The following FRMD5 variants were observed in gnomAD, a reference collection of about 807,000 sequenced individuals.
The protein encoded by FRMD5 is FERM domain-containing protein 5.
In FRMD5, 20 loss-of-function variants were observed where a neutral mutation model predicts 69.0. That is an observed-to-expected ratio of 0.29 (90% CI 0.20 to 0.42). The LOEUF (loss-of-function observed/expected upper bound fraction) is 0.42, where lower values mean the gene tolerates loss of function less well. FRMD5 is among the 10% of genes least tolerant of loss of function. The pLI is 1.00. For synonymous variants in FRMD5, 271 were observed against 260.1 expected (o/e 1.04, Z -0.40); for missense variants, 595 against 708.6 (o/e 0.84, Z 1.82).
intron 1 of FRMD5, among the ~76,000 whole-genome samples, chr15:44,054,398 G>T (rs974225006): frequency 4.6e-5 from 7 of 152,052 alleles, no homozygotes; most frequent in Non-Finnish European, 8.8e-5. Flanking sequence ...TCCCAAACCC[G>T]CCAGATTTTA....
intron 1 of FRMD5, among the ~76,000 whole-genome samples, chr15:43,934,910 ATT>A (rs2089734446): frequency 6.6e-6 from 1 of 152,198 alleles, no homozygotes; most frequent in Non-Finnish European, 1.5e-5. Context: ...ATAAAGATTT[ATT>A]TGTATGATCT....
At chr15:43,895,150 C>A (rs1238019414) in intron 7 of FRMD5, among the ~76,000 whole-genome samples, 1 of 152,094 alleles carries the variant, frequency 6.6e-6, no homozygotes, top group Non-Finnish European at 1.5e-5. Flanking sequence ...TAATACAAAT[C>A]CTTTTGTAAA....
At chr15:43,890,340 C>T (rs1408959787) in intron 8 of FRMD5, among the ~76,000 whole-genome samples, 3 of 151,984 alleles carry the variant, frequency 2.0e-5, no homozygotes, top group African/African-American at 7.3e-5. Flanking sequence ...TGAGAGAAGC[C>T]GTGGAAAGAA....
At chr15:44,126,211 G>C (rs1056086531) in intron 1 of FRMD5, among the ~76,000 whole-genome samples, 3 of 152,122 alleles carry the variant, frequency 2.0e-5, no homozygotes, top group Non-Finnish European at 2.9e-5. Flanking sequence ...AATCCAGCTT[G>C]GTGAGTAAAA....
intron 1 of FRMD5, chr15:44,063,837 G>T: frequency 3.6e-6 from 1 of 278,328 alleles, no homozygotes; most frequent in South Asian, 3.7e-5. Flanking sequence ...AGAAGGCTGG[G>T]ACTCATTTAG....
At chr15:43,894,799 G>A (rs915482112) in intron 7 of FRMD5, among the ~76,000 whole-genome samples, 6 of 152,126 alleles carry the variant, frequency 3.9e-5, no homozygotes, top group East Asian at 1.9e-4. Context: ...CAAACCGCTC[G>A]GGTCCAGGTC....
At chr15:44,008,592 C>T (rs960115633) in intron 1 of FRMD5, among the ~76,000 whole-genome samples, 4 of 151,906 alleles carry the variant, frequency 2.6e-5, no homozygotes, top group Admixed American at 1.3e-4. Context: ...TGTGGTGCAC[C>T]AAAGATTTTT....
At chr15:44,141,066 G>A (rs972565155) in intron 1 of FRMD5, among the ~76,000 whole-genome samples, 2 of 151,468 alleles carry the variant, frequency 1.3e-5, no homozygotes, top group Admixed American at 6.6e-5. Context: ...AACACTACAG[G>A]GTAACTGTGG....
chr15:43,995,389 T>A (rs929299868), intron 1 of FRMD5, among the ~76,000 whole-genome samples: 1 of 152,194 alleles, frequency 6.6e-6, no homozygotes. Context: ...GAAGCCTGAT[T>A]TCAAAGAGGA....
At chr15:43,972,105 A>G (rs1396511239) in intron 1 of FRMD5, among the ~76,000 whole-genome samples, 1 of 149,118 alleles carries the variant, frequency 6.7e-6, no homozygotes, top group Non-Finnish European at 1.5e-5. Flanking sequence ...TTTTCAGTAG[A>G]AAATATTTTA....
At chr15:43,960,840 G>A (rs2140539205) in intron 1 of FRMD5, among the ~76,000 whole-genome samples, 1 of 152,224 alleles carries the variant, frequency 6.6e-6, no homozygotes, top group South Asian at 2.1e-4. Flanking sequence ...CCCATTTTAT[G>A]GCTTAAAGCT....
Position 44,194,986 on chromosome 15 carries a change from C to G in FRMD5, c.69G>C (p.Leu23=). Residue 23 remains leucine (L), a synonymous_variant, in exon 1 of 14, where the codon CTG becomes CTC. Coordinates refer to ENST00000417257, the MANE Select transcript of FRMD5 (RefSeq NM_032892.5). The part of the protein sequence containing the change: ...LEREYSCTVR[L]LDDSEYTCTI... Reference sequence around the variant, plus strand: ...TGCAGGTGTACTCGCTGTCGTCCAGCAGCCGCACGGTGCAGCTGTACTCGC... The same window carrying G: ...TGCAGGTGTACTCGCTGTCGTCCAGGAGCCGCACGGTGCAGCTGTACTCGC... 1 of 1,554,124 alleles carries G rather than the reference C, an allele frequency of 6.4e-7. No homozygotes were observed. Among genetic ancestry groups the G allele is most frequent in the Admixed American group, 1.8e-5 (1 of 54,916 alleles).
chr15:43,988,607 G>C (rs1247857621), intron 1 of FRMD5, among the ~76,000 whole-genome samples: 1 of 151,834 alleles, frequency 6.6e-6, no homozygotes, highest in Non-Finnish European at 1.5e-5. Context: ...CAAAAAAGTG[G>C]GGCCATGAAA....
intron 1 of FRMD5, among the ~76,000 whole-genome samples, chr15:44,075,747 C>T (rs1199823810): frequency 6.6e-6 from 1 of 152,072 alleles, no homozygotes; most frequent in Non-Finnish European, 1.5e-5. Flanking sequence ...AAAAACTATC[C>T]AAATTCAATT....
Position 43,892,043 on chromosome 15 carries a change from C to T in FRMD5, c.666G>A (p.Leu222=), listed in dbSNP as rs1164703476. The part of the protein sequence containing the change: ...CKDVSGNAAF[L]AFTPFGFVVL... ...CAACAAACCCAAAAGGAGTGAAGGC[C>T]AGAAATGCAGCATTTCCTGACACGT... The change falls in exon 8 of 14, where the codon CTG becomes CTA. Residue 222 remains leucine, a synonymous_variant. Transcript: ENST00000417257. 2 of 1,614,124 alleles carry T rather than the reference C, an allele frequency of 1.2e-6. No homozygotes were observed. The highest frequency in any genetic ancestry group is 1.7e-6 in the Non-Finnish European group (2 of 1,180,002).
At chr15:43,929,330 T>C (rs2089636630) in intron 1 of FRMD5, among the ~76,000 whole-genome samples, 1 of 152,174 alleles carries the variant, frequency 6.6e-6, no homozygotes, top group African/African-American at 2.4e-5. Flanking sequence ...TTTTAACCCA[T>C]CATGGATGAG....
chr15:43,891,924 C>G (rs888864085), intron 8 of FRMD5, 57 bp downstream of exon 8: 2 of 1,415,874 alleles, frequency 1.4e-6, no homozygotes, highest in Non-Finnish European at 2.0e-6. Context: ...CGGGAACCGT[C>G]GCCCCTCCCC....
At chr15:43,876,321 A>G in intron 13 of FRMD5, 1 of 999,898 alleles carries the variant, frequency 1.0e-6, no homozygotes, top group Non-Finnish European at 1.6e-6. Context: ...ATTCCAAACT[A>G]CCCCTGATGC....
chr15:44,161,978 TTG>T (rs1394191292), intron 1 of FRMD5, among the ~76,000 whole-genome samples: 5 of 150,044 alleles, frequency 3.3e-5, no homozygotes, highest in Non-Finnish European at 7.5e-5. Flanking sequence ...CCTCTTTTCC[TTG>T]TCTTTTCCTT....
Sources: gnomAD v4.1 joint callset for allele counts (sites outside exome capture counted in the v4.1 genomes callset) on GRCh38, gnomAD v4.1.1 for gene constraint, MANE v1.5 for transcripts, NCBI Gene and HGNC (gene_info 2026-07-23, HGNC 2026-07-21) for gene names.